XKR4: variants seen among roughly 807,000 people sequenced by gnomAD.
The protein encoded by XKR4 is XK-related protein 4.
In XKR4, 12 loss-of-function variants were observed where a neutral mutation model predicts 53.9. That is an observed-to-expected ratio of 0.22 (90% CI 0.14 to 0.36). The LOEUF (loss-of-function observed/expected upper bound fraction) is 0.36. Ranked by LOEUF, XKR4 falls within the 10% of genes least tolerant of loss-of-function variation. The pLI, the probability that XKR4 is intolerant of heterozygous loss-of-function variation, is 1.00. For missense variants in XKR4, 799 were observed against 859.5 expected, an observed-to-expected ratio of 0.93 and a Z score of 0.88; for synonymous variants, 354 against 362.4, an observed-to-expected ratio of 0.98 and a Z score of 0.26.
At chr8:55,341,644 G>A (rs1272444860) in intron 1 of XKR4, among the ~76,000 whole-genome samples, 1 of 152,210 alleles carries the variant, frequency 6.6e-6, no homozygotes, top group Non-Finnish European at 1.5e-5. Context: ...TGTAGGTTTA[G>A]ACATCATGGA....
At position 55,524,605 on chromosome 8, in the gene XKR4, C is replaced by G. The variant is rs1202118443; in HGVS notation, c.*378C>G. On this transcript the variant is annotated 3_prime_UTR_variant, in exon 3 of 3. Coordinates refer to ENST00000327381, the MANE Select transcript of XKR4 (RefSeq NM_052898.2). ...CCATAAAAATAGATTCAGTCATACACACATACACACACTAACACACATAAG... is the reference window on the plus strand; with the variant it reads ...CCATAAAAATAGATTCAGTCATACAGACATACACACACTAACACACATAAG... The G allele has an allele frequency of 5.0e-6, 1 of 200,614 alleles. No individual in the cohort carries two copies. The highest frequency in any genetic ancestry group is 2.3e-5 in the African/African-American group (1 of 43,084). 12.4% of individuals were successfully genotyped at this position (200,614 alleles called of 1,614,324 possible).
At position 55,349,791 on chromosome 8, in the gene XKR4, A is replaced by G. The variant is rs180944874; in HGVS notation, c.807-7887A>G. On this transcript the variant is annotated intron_variant, in intron 1 of 2. Transcript: ENST00000327381. ...CATAAGGGTTTAAGAAAATAAGGACACTTATCACTACCAATTAGTACAGTC... is the reference window on the plus strand; with the variant it reads ...CATAAGGGTTTAAGAAAATAAGGACGCTTATCACTACCAATTAGTACAGTC... Among the ~76,000 whole-genome samples the G allele has an allele frequency of 1.9e-3, 294 of 152,346 alleles. 3 individuals are homozygous for G. Among genetic ancestry groups the G allele is most frequent in the Middle Eastern group, 6.8e-3 (2 of 294 alleles).
chr8:55,458,322 G>T (rs1441725136), intron 2 of XKR4, among the ~76,000 whole-genome samples: 1 of 152,244 alleles, frequency 6.6e-6, no homozygotes, highest in Admixed American at 6.5e-5. Context: ...AAGCATGCAG[G>T]TGAGCAGGTG....
At chr8:55,434,128 A>T (rs1805141697) in intron 2 of XKR4, among the ~76,000 whole-genome samples, 1 of 152,244 alleles carries the variant, frequency 6.6e-6, no homozygotes, top group Admixed American at 6.5e-5. Flanking sequence ...CTTATTAAAA[A>T]ATAAGTGCAT....
At chr8:55,136,765 G>C (rs1377203685) in intron 1 of XKR4, among the ~76,000 whole-genome samples, 1 of 152,164 alleles carries the variant, frequency 6.6e-6, no homozygotes, top group Non-Finnish European at 1.5e-5. Flanking sequence ...AAAAAAGTGA[G>C]AAAGTCTGTT....
At position 55,540,986 on chromosome 8, in the gene XKR4, A is replaced by G. The variant is rs1437921083; in HGVS notation, c.*16759A>G. ...TTAATAACATCTAATAGAAAAATAG[A>G]AACATCGTGCTTAGCATGAAACCAT... On this transcript the variant is annotated 3_prime_UTR_variant, in exon 3 of 3. Coordinates refer to ENST00000327381, the MANE Select transcript of XKR4 (RefSeq NM_052898.2). 6.6e-6 allele frequency: 1 copy of G among 152,232 alleles called. No individual in the cohort carries two copies. The highest frequency in any genetic ancestry group is 2.4e-5 in the African/African-American group (1 of 41,466). The allele number at this position is 152,232 out of a possible 1,614,324, so 9.4% of individuals were successfully genotyped here.
At position 55,373,780 on chromosome 8, in the gene XKR4, A is replaced by C. The variant is rs117451790; in HGVS notation, c.1006+15903A>C. Among the ~76,000 whole-genome samples the C allele has an allele frequency of 4.1e-3, 626 of 152,340 alleles. 9 individuals are homozygous for C. Among genetic ancestry groups the C allele is most frequent in the Admixed American group, 0.02 (310 of 15,298 alleles). ...TCTTTTTAAAGAAATCAACACAGAA[A>C]AGCTGTTACAAAAACTATGTGAAGT... On this transcript the variant is annotated intron_variant, in intron 2 of 2. Transcript: ENST00000327381.
intron 1 of XKR4, among the ~76,000 whole-genome samples, chr8:55,242,347 A>G (rs1179414928): frequency 6.6e-6 from 1 of 152,180 alleles, no homozygotes. Flanking sequence ...ACCCGTCTAC[A>G]GCAGCCTTAT....
intron 1 of XKR4, among the ~76,000 whole-genome samples, chr8:55,121,833 TACACACACAC>T (rs35625262): frequency 6.7e-6 from 1 of 148,710 alleles, no homozygotes; most frequent in East Asian, 2.0e-4. Flanking sequence ...AATACAACAT[TACACACACAC>T]ACACACACAC....
intron 2 of XKR4, among the ~76,000 whole-genome samples, chr8:55,412,551 C>A (rs1419789299): frequency 6.6e-6 from 1 of 152,170 alleles, no homozygotes; most frequent in Non-Finnish European, 1.5e-5. Context: ...CACACTGCCC[C>A]TTCCTTCAGT....
At chr8:55,440,808 A>G (rs1805253023) in intron 2 of XKR4, among the ~76,000 whole-genome samples, 1 of 152,192 alleles carries the variant, frequency 6.6e-6, no homozygotes, top group Non-Finnish European at 1.5e-5. Context: ...ATCTACAATA[A>G]CAATAATAAT....
intron 2 of XKR4, among the ~76,000 whole-genome samples, chr8:55,443,819 G>A (rs1256045509): frequency 8.2e-6 from 1 of 122,244 alleles, no homozygotes; most frequent in African/African-American, 3.3e-5. Flanking sequence ...CTAGCCTGGT[G>A]ACAGAGTAAA....
At chr8:55,452,149 T>C (rs1273180503) in intron 2 of XKR4, 10 of 707,258 alleles carry the variant, frequency 1.4e-5, no homozygotes, top group Non-Finnish European at 2.5e-5. Context: ...TACCGCAGCT[T>C]ATGCAGCTGC....
At chr8:55,287,171 AT>A (rs1330400461) in intron 1 of XKR4, among the ~76,000 whole-genome samples, 1 of 126,118 alleles carries the variant, frequency 7.9e-6, no homozygotes, top group African/African-American at 2.5e-5. Flanking sequence ...AGAAATTTAA[AT>A]TAAAAAAAAT....
intron 2 of XKR4, among the ~76,000 whole-genome samples, chr8:55,522,214 T>A (rs545280481): frequency 6.6e-6 from 1 of 152,342 alleles, no homozygotes; most frequent in East Asian, 1.9e-4. Flanking sequence ...AAATGACTTT[T>A]AACATTTGGA....
intron 1 of XKR4, among the ~76,000 whole-genome samples, chr8:55,249,858 T>G (rs1164212312): frequency 6.6e-6 from 1 of 152,236 alleles, no homozygotes; most frequent in Non-Finnish European, 1.5e-5. Context: ...TATAGAGAAT[T>G]ACACAGTGTT....
At chr8:55,517,142 G>T (rs1296663367) in intron 2 of XKR4, 2 of 152,200 alleles carry the variant, frequency 1.3e-5, no homozygotes, top group Non-Finnish European at 2.9e-5. Flanking sequence ...GAGAGTGGAG[G>T]GGGGTGAGGG....
At chr8:55,213,735 A>G (rs145832611) in intron 1 of XKR4, among the ~76,000 whole-genome samples, 191 of 152,228 alleles carry the variant, frequency 1.3e-3, no homozygotes, top group African/African-American at 4.5e-3. Flanking sequence ...GGAGGTTAGA[A>G]GTAAGATGGA....
At chr8:55,202,517 C>T (rs1817589295) in intron 1 of XKR4, among the ~76,000 whole-genome samples, 1 of 152,232 alleles carries the variant, frequency 6.6e-6, no homozygotes, top group African/African-American at 2.4e-5. Flanking sequence ...TAGTTTCCTG[C>T]TCAGCATTTG....
Sources: allele counts gnomAD v4.1 joint callset (sites outside exome capture counted in the v4.1 genomes callset), GRCh38; gene constraint gnomAD v4.1.1; transcripts MANE v1.5; gene names NCBI Gene and HGNC (gene_info 2026-07-23, HGNC 2026-07-21).